EYS: variants seen among roughly 807,000 people sequenced by gnomAD.
EYS encodes the protein EGF-like photoreceptor maintenance factor, also known as protein eyes shut homolog.
A neutral mutation model predicts 282.1 loss-of-function variants in EYS; 250 were observed. The ratio of observed to expected loss-of-function variants is 0.89; its 90% CI spans 0.80 to 0.98. The LOEUF is 0.98. EYS is among the 50% of genes least tolerant of loss of function. The probability of loss-of-function intolerance (pLI) is 0.00; values close to 1 mark genes in which losing one functional copy is unlikely to be tolerated. For missense variants in EYS, 4,016 were observed against 3,709.0 expected (o/e 1.08, Z -2.15); for synonymous variants, 1,355 against 1,282.9 (o/e 1.06, Z -1.20).
chr6:64,805,059 A>C (rs1764384391), intron 22 of EYS, among the ~76,000 whole-genome samples: 2 of 152,064 alleles, frequency 1.3e-5, no homozygotes, highest in Admixed American at 1.3e-4. Flanking sequence ...CCATGAAATT[A>C]ACTTTTTAAA....
chr6:64,237,490 G>T (rs1031345985), intron 30 of EYS, among the ~76,000 whole-genome samples: 62 of 152,156 alleles, frequency 4.1e-4, no homozygotes, highest in African/African-American at 1.3e-3. Flanking sequence ...ATCATCTCTT[G>T]TACTATTTCA....
intron 24 of EYS, among the ~76,000 whole-genome samples, chr6:64,606,732 T>A (rs908309781): frequency 3.3e-5 from 5 of 152,070 alleles, no homozygotes; most frequent in Non-Finnish European, 7.4e-5. Context: ...AGAAAGTCTT[T>A]GAAGCTAGTC....
intron 5 of EYS, among the ~76,000 whole-genome samples, chr6:65,425,294 T>G (rs576861336): frequency 1.3e-5 from 2 of 152,232 alleles, no homozygotes; most frequent in South Asian, 2.1e-4. Context: ...TAGTCAATTT[T>G]AAATAGATAT....
chr6:63,886,787 T>C (rs1773271756), intron 35 of EYS, among the ~76,000 whole-genome samples: 1 of 152,130 alleles, frequency 6.6e-6, no homozygotes, highest in Admixed American at 6.5e-5. Context: ...TTAAATCAAA[T>C]GCTATAAAAT....
intron 22 of EYS, among the ~76,000 whole-genome samples, chr6:64,796,071 G>A (rs969853242): frequency 1.3e-5 from 2 of 152,140 alleles, no homozygotes; most frequent in Non-Finnish European, 2.9e-5. Flanking sequence ...AACTGCTCAC[G>A]CATGAAACAA....
chr6:64,299,509 G>T (rs1769156139), intron 30 of EYS, among the ~76,000 whole-genome samples: 2 of 152,204 alleles, frequency 1.3e-5, no homozygotes, highest in Non-Finnish European at 2.9e-5. Context: ...ACTGGTGATT[G>T]TGACGGAACC....
chr6:64,923,268 C>A (rs954550427), intron 15 of EYS, among the ~76,000 whole-genome samples: 3 of 152,120 alleles, frequency 2.0e-5, no homozygotes, highest in South Asian at 2.1e-4. Flanking sequence ...AAGGAAGAAG[C>A]AAAAGGAAAA....
intron 41 of EYS, among the ~76,000 whole-genome samples, chr6:63,732,845 C>T (rs932522845): frequency 2.0e-5 from 3 of 152,088 alleles, no homozygotes; most frequent in African/African-American, 4.8e-5. Context: ...GTGCTGTCAT[C>T]CTTGTGGATG....
chr6:65,379,109 C>A (rs970516624), intron 8 of EYS, among the ~76,000 whole-genome samples: 4 of 152,038 alleles, frequency 2.6e-5, no homozygotes, highest in African/African-American at 9.7e-5. Context: ...CTCCCTAACT[C>A]ATTTTATGAG....
intron 14 of EYS, among the ~76,000 whole-genome samples, chr6:64,969,081 T>C (rs1187467041): frequency 6.6e-6 from 1 of 151,486 alleles, no homozygotes; most frequent in Admixed American, 6.6e-5. Context: ...CACAATCAAC[T>C]CCTTGCGTGA....
At position 63,721,130 on chromosome 6, in the gene EYS, G is replaced by A. The variant is rs1404137865; in HGVS notation, c.8901C>T (p.Tyr2967=). The part of the protein sequence containing the change: ...AKFMGNSYIK[Y]IDPNYRMRNL... ...TTCTCATTCTATAATTTGGATCAAT[G>A]TATTTAATGTAAGAATTACCCATAA... The change falls in exon 43 of 43, where the codon TAC becomes TAT. Residue 2967 remains tyrosine, a synonymous_variant. Transcript: ENST00000503581. The A allele has an allele frequency of 1.9e-6, 3 of 1,551,320 alleles. No homozygotes were observed. Among genetic ancestry groups the A allele is most frequent in the East Asian group, 2.4e-5 (1 of 40,912 alleles).
intron 33 of EYS, among the ~76,000 whole-genome samples, chr6:64,024,691 A>T (rs951165630): frequency 6.6e-6 from 1 of 151,832 alleles, no homozygotes; most frequent in African/African-American, 2.4e-5. Flanking sequence ...GAGACCACGA[A>T]CTCACCGGGA....
At chr6:64,570,956 C>A (rs1390909672) in intron 26 of EYS, among the ~76,000 whole-genome samples, 1 of 152,130 alleles carries the variant, frequency 6.6e-6, no homozygotes, top group African/African-American at 2.4e-5. Flanking sequence ...GAACTCTCCA[C>A]CCCAGATCAA....
At chr6:63,866,296 C>A (rs1361001168) in intron 35 of EYS, among the ~76,000 whole-genome samples, 1 of 152,152 alleles carries the variant, frequency 6.6e-6, no homozygotes, top group Non-Finnish European at 1.5e-5. Context: ...TCTGATATAA[C>A]TTTGCTTCCA....
At chr6:64,449,105 TA>T (rs758213959) in intron 26 of EYS, among the ~76,000 whole-genome samples, 24 of 151,380 alleles carry the variant, frequency 1.6e-4, no homozygotes, top group Middle Eastern at 3.4e-3. Context: ...ATAAAAACTT[TA>T]AAAAAAAATT....
At chr6:63,780,948 G>A (rs1454148578) in intron 39 of EYS, among the ~76,000 whole-genome samples, 1 of 152,198 alleles carries the variant, frequency 6.6e-6, no homozygotes, top group Non-Finnish European at 1.5e-5. Context: ...AAGGAATCCA[G>A]TTTCAGCTTT....
intron 12 of EYS, among the ~76,000 whole-genome samples, chr6:65,232,123 C>G (rs1324982542): frequency 6.6e-6 from 1 of 152,000 alleles, no homozygotes; most frequent in East Asian, 1.9e-4. Flanking sequence ...TCAGCCTTCT[C>G]TTTTCTGAAG....
At chr6:65,234,238 C>A (rs577187848) in intron 12 of EYS, among the ~76,000 whole-genome samples, 5 of 152,304 alleles carry the variant, frequency 3.3e-5, no homozygotes, top group Non-Finnish European at 7.4e-5. Context: ...AGCATCAGAG[C>A]TGGGTGGAGG....
At chr6:65,630,598 T>C (rs1275359030) in intron 2 of EYS, among the ~76,000 whole-genome samples, 1 of 152,204 alleles carries the variant, frequency 6.6e-6, no homozygotes, top group African/African-American at 2.4e-5. Flanking sequence ...ACAAATACAT[T>C]TGACAGAACT....
Sources: gnomAD v4.1 joint callset for allele counts (sites outside exome capture counted in the v4.1 genomes callset) on GRCh38, gnomAD v4.1.1 for gene constraint, MANE v1.5 for transcripts, NCBI Gene and HGNC (gene_info 2026-07-23, HGNC 2026-07-21) for gene names.